The following VPS8 variants were observed in gnomAD, a reference collection of about 807,000 sequenced individuals.
VPS8 encodes the protein VPS8 subunit of CORVET complex.
A neutral mutation model predicts 216.4 loss-of-function variants in VPS8; 129 were observed. The ratio of observed to expected loss-of-function variants is 0.60; its 90% CI spans 0.52 to 0.69. VPS8 has a LOEUF of 0.69. VPS8 is among the 30% of genes least tolerant of loss of function. VPS8 has a pLI of 0.00. For synonymous variants in VPS8, 571 were observed against 565.4 expected (o/e 1.01, Z -0.14); for missense variants, 1,531 against 1,683.5 (o/e 0.91, Z 1.59).
chr3:184,884,562 C>A (rs545672064), intron 21 of VPS8, among the ~76,000 whole-genome samples: 1 of 152,170 alleles, frequency 6.6e-6, no homozygotes, highest in Non-Finnish European at 1.5e-5. Context: ...AAATTTACCC[C>A]CTCTGAGCCC....
chr3:185,032,281 G>A (rs1758284228), intron 46 of VPS8, among the ~76,000 whole-genome samples: 1 of 152,208 alleles, frequency 6.6e-6, no homozygotes, highest in African/African-American at 2.4e-5. Flanking sequence ...CTGAATTTAT[G>A]TAAAGAGAGA....
Position 184,862,930 on chromosome 3 carries a change from AGC to A in VPS8, c.1260_1261del (p.Val421ArgfsTer7), listed in dbSNP as rs749283881. On this transcript the variant is annotated frameshift_variant, in exon 16 of 48. Transcript: ENST00000625842. LOFTEE classifies it high-confidence loss of function. ...TTCACGCACAGTTGTGCTCTTAGAC[AGC>A]GTAGAGAAGTTGCATGTGATTGATC... ...INSRTVVLLD[S>X]VEKLHVIDRQ... The A allele has an allele frequency of 6.2e-7, 1 of 1,613,834 alleles. No individual in the cohort carries two copies. The highest frequency in any genetic ancestry group is 8.5e-7 in the Non-Finnish European group (1 of 1,179,760).
At position 184,849,089 on chromosome 3, in the gene VPS8, G is replaced by A. The variant is rs1237302327; in HGVS notation, c.560G>A (p.Arg187Gln). Reference protein sequence around the residue: ...IFGKDQNQALRLCLGSTSVGG... With the variant: ...IFGKDQNQALQLCLGSTSVGG... ...TCTTTAGATCAGAATCAAGCTTTGCGACTCTGTCTGGGTAGCACTAGTGTT... is the reference window on the plus strand; with the variant it reads ...TCTTTAGATCAGAATCAAGCTTTGCAACTCTGTCTGGGTAGCACTAGTGTT... Residue 187 changes from arginine to glutamine, a missense_variant, in exon 9 of 48, where the codon CGA (arginine) becomes CAA (glutamine). Coordinates refer to ENST00000625842, the MANE Select transcript of VPS8 (RefSeq NM_001009921.3). 12 of 1,613,142 alleles carry A rather than the reference G, an allele frequency of 7.4e-6. No individual in the cohort carries two copies. Among genetic ancestry groups the A allele is most frequent in the Admixed American group, 1.7e-5 (1 of 59,994 alleles).
intron 1 of VPS8, among the ~76,000 whole-genome samples, chr3:184,814,190 A>G (rs1306176005): frequency 1.3e-5 from 2 of 152,236 alleles, no homozygotes; most frequent in Admixed American, 1.3e-4. Context: ...CTTAAGCTAA[A>G]AGGGATTTAT....
chr3:184,936,086 T>A (rs1312359730), intron 34 of VPS8, among the ~76,000 whole-genome samples, 160 bp from the exon 35 acceptor site: 1 of 152,238 alleles, frequency 6.6e-6, no homozygotes, highest in Admixed American at 6.5e-5. Context: ...TTTTGCTCAT[T>A]TGCAAAGTGC....
chr3:184,873,322 G>T (rs1221459377), intron 21 of VPS8, among the ~76,000 whole-genome samples: 2 of 152,076 alleles, frequency 1.3e-5, no homozygotes, highest in Non-Finnish European at 2.9e-5. Context: ...TATTTTAAGA[G>T]CAAGCACAGG....
chr3:184,956,853 C>T (rs1576977974), intron 36 of VPS8, among the ~76,000 whole-genome samples: 2 of 152,216 alleles, frequency 1.3e-5, no homozygotes, highest in Middle Eastern at 3.4e-3. Context: ...TCACTATGTG[C>T]AAGACATTGG....
At chr3:185,036,181 T>C (rs1246888097) in intron 46 of VPS8, among the ~76,000 whole-genome samples, 1 of 152,194 alleles carries the variant, frequency 6.6e-6, no homozygotes, top group Non-Finnish European at 1.5e-5. Flanking sequence ...AAGATGGCCA[T>C]GCTGCCCAAA....
At chr3:185,051,263 A>T (rs1237621547) in intron 47 of VPS8, among the ~76,000 whole-genome samples, 1 of 152,078 alleles carries the variant, frequency 6.6e-6, no homozygotes. Flanking sequence ...GGGTACTGCT[A>T]GTGTCATTGG....
chr3:185,048,784 G>A (rs918257246), intron 47 of VPS8, among the ~76,000 whole-genome samples: 2 of 152,124 alleles, frequency 1.3e-5, no homozygotes, highest in Non-Finnish European at 2.9e-5. Flanking sequence ...CGTACCATGA[G>A]CTGTGAGGAC....
In VPS8 at chr3:184,971,710, T is replaced by C. The variant is rs1260732845; in HGVS notation, c.3378T>C (p.Leu1126=). The C allele has an allele frequency of 3.1e-6, 5 of 1,613,536 alleles. No individual in the cohort carries two copies. Among genetic ancestry groups the C allele is most frequent in the African/African-American group, 1.3e-5 (1 of 75,052 alleles). The change falls in exon 40 of 48, where the codon CTT becomes CTC. Residue 1126 remains leucine, a synonymous_variant. Coordinates refer to ENST00000625842, the MANE Select transcript of VPS8 (RefSeq NM_001009921.3). ...ATACTATGGTGGAGACCATTGCTCTTTGCCAGAGAAATTCACATAATTTGA... is the reference window on the plus strand; with the variant it reads ...ATACTATGGTGGAGACCATTGCTCTCTGCCAGAGAAATTCACATAATTTGA... ...VEDTMVETIA[L]CQRNSHNLNQ...
At chr3:184,953,899 T>TG (rs1745140572) in intron 36 of VPS8, among the ~76,000 whole-genome samples, 1 of 152,136 alleles carries the variant, frequency 6.6e-6, no homozygotes, top group African/African-American at 2.4e-5. Context: ...TTAAGTTGGT[T>TG]GGGGAGCTTA....
chr3:185,009,797 T>TA (rs1297308712), intron 45 of VPS8, among the ~76,000 whole-genome samples: 1 of 152,026 alleles, frequency 6.6e-6, no homozygotes, highest in Non-Finnish European at 1.5e-5. Context: ...AGGCAGAGCT[T>TA]AGTCTCTCCG....
Position 184,853,865 on chromosome 3 carries a change from T to A in VPS8, c.830T>A (p.Met277Lys). 1 of 1,574,882 alleles carries A rather than the reference T, an allele frequency of 6.3e-7. No individual in the cohort carries two copies. The highest frequency in any genetic ancestry group is 1.3e-5 in the African/African-American group (1 of 74,344). ...SVFELTFKRVMGVRTCESRCL... is the reference protein window; with the variant it reads ...SVFELTFKRVKGVRTCESRCL... ...TCAAATTGCATTTTCAGGAGAGTGA[T>A]GGGAGTGAGAACCTGTGAATCTAGA... Residue 277 changes from methionine to lysine, a missense_variant, in exon 12 of 48, where the codon ATG (methionine) becomes AAG (lysine). By Grantham distance (95) the Met-to-Lys change is moderately conservative. Coordinates refer to ENST00000625842, the MANE Select transcript of VPS8 (RefSeq NM_001009921.3).
chr3:184,822,826 A>G (rs983558275), intron 1 of VPS8, among the ~76,000 whole-genome samples: 2 of 152,218 alleles, frequency 1.3e-5, no homozygotes, highest in African/African-American at 4.8e-5. Flanking sequence ...TTAGAACCTG[A>G]TGTTGGAAAG....
Position 184,996,376 on chromosome 3 carries a change from T to C in VPS8, c.3711T>C (p.His1237=). The change falls in exon 44 of 48, where the codon CAT becomes CAC. Residue 1237 remains histidine, a synonymous_variant. Coordinates refer to ENST00000625842, the MANE Select transcript of VPS8 (RefSeq NM_001009921.3). ...TTTSLLNQDL[H]WSLCNLRASV... ...CCAGCCTTCTAAACCAAGATCTCCA[T>C]TGGTCATTGTGTAACCTGAGAGCTT... is the stretch of plus-strand genomic sequence containing the variant. 3.7e-6 allele frequency: 6 copies of C among 1,613,794 alleles called. No individual in the cohort carries two copies. The highest frequency in any genetic ancestry group is 5.1e-6 in the Non-Finnish European group (6 of 1,179,766).
intron 8 of VPS8, among the ~76,000 whole-genome samples, chr3:184,847,617 T>C (rs547054890): frequency 9.2e-5 from 14 of 152,276 alleles, no homozygotes; most frequent in Admixed American, 2.0e-4. Context: ...TGTGGAAATA[T>C]GGTGTTTTTT....
intron 44 of VPS8, among the ~76,000 whole-genome samples, chr3:184,997,326 A>T (rs181493585): frequency 1.3e-5 from 2 of 152,192 alleles, no homozygotes; most frequent in Non-Finnish European, 2.9e-5. Context: ...AAGTTATTTA[A>T]CCTCTTTATA....
rs1714405037 is a variant in VPS8, at chr3:185,052,210, AT to A, written c.*187del. On this transcript the variant is annotated 3_prime_UTR_variant, in exon 48 of 48. Transcript: ENST00000625842. ...AGTGTAGACTCCCAGTCTTCTCCACATTGCTGTCATGGCGTCAGTTCACCAG... is the reference window on the plus strand; with the variant it reads ...AGTGTAGACTCCCAGTCTTCTCCACATGCTGTCATGGCGTCAGTTCACCAG... 9 of 560,348 alleles carry A rather than the reference AT, an allele frequency of 1.6e-5. No homozygotes were observed. In the East Asian group the frequency reaches 3.0e-4, roughly 19 times the overall value. 34.7% of individuals were successfully genotyped at this position (560,348 alleles called of 1,614,324 possible).
Sources: allele counts gnomAD v4.1 joint callset (sites outside exome capture counted in the v4.1 genomes callset), GRCh38; gene constraint gnomAD v4.1.1; transcripts MANE v1.5; gene names NCBI Gene and HGNC (gene_info 2026-07-23, HGNC 2026-07-21).